SLC7A7: variants seen among roughly 807,000 people sequenced by gnomAD.
The protein encoded by SLC7A7 is solute carrier family 7 member 7.
In SLC7A7, 39 loss-of-function variants were observed where a neutral mutation model predicts 47.9. The ratio of observed to expected loss-of-function variants is 0.81; its 90% confidence interval spans 0.63 to 1.06. The LOEUF (loss-of-function observed/expected upper bound fraction) is 1.06. Among genes scored for constraint, SLC7A7 ranks in the 50% least tolerant of loss-of-function variants. The probability of loss-of-function intolerance (pLI) is 0.00; values close to 1 mark genes in which losing one functional copy is unlikely to be tolerated. For synonymous variants in SLC7A7, 234 were observed against 242.8 expected (o/e 0.96, Z 0.34); for missense variants, 588 against 632.0 (o/e 0.93, Z 0.75).
intron 2 of SLC7A7, among the ~76,000 whole-genome samples, chr14:22,801,569 G>A (rs1429695691): frequency 1.3e-5 from 2 of 151,796 alleles, no homozygotes; most frequent in Non-Finnish European, 2.9e-5. Flanking sequence ...GGATCATGAG[G>A]TCAAGAGATC....
At chr14:22,803,230 A>C (rs956083593) in intron 2 of SLC7A7, among the ~76,000 whole-genome samples, 6 of 152,000 alleles carry the variant, frequency 3.9e-5, no homozygotes, top group African/African-American at 1.4e-4. Context: ...GACCAGCCTG[A>C]CTAACATGGT....
chr14:22,801,164 C>T (rs1017425290), intron 2 of SLC7A7, among the ~76,000 whole-genome samples: 9 of 152,090 alleles, frequency 5.9e-5, no homozygotes, highest in African/African-American at 2.2e-4. Context: ...ACTAGCACAG[C>T]TTATAAAGCT....
In SLC7A7 at chr14:22,774,068, C is replaced by T; in HGVS notation, c.1294G>A (p.Val432Met). ...GTATCACTGTAAAGTGGAACAGCCA[C>T]CAGGAAGATGGTGCAGAGGCAGAAG... ...IVFCLCTIFL[V>M]AVPLYSDTIN... The change falls in exon 9 of 10, where the codon GTG becomes ATG. Residue 432 changes from valine (V) to methionine (M), a missense_variant. Transcript: ENST00000674313. 1 of 1,614,106 alleles carries T rather than the reference C, an allele frequency of 6.2e-7. No homozygotes were observed.
At chr14:22,780,880 C>A (rs2038705895) in intron 2 of SLC7A7, among the ~76,000 whole-genome samples, 1 of 152,134 alleles carries the variant, frequency 6.6e-6, no homozygotes, top group Admixed American at 6.5e-5. Flanking sequence ...ATCAGAATCT[C>A]AAGTCCATTA....
intron 2 of SLC7A7, among the ~76,000 whole-genome samples, chr14:22,808,175 AAAG>A (rs1170371216): frequency 6.6e-6 from 1 of 151,992 alleles, no homozygotes; most frequent in Admixed American, 6.6e-5. Flanking sequence ...AAAAAAAAAA[AAAG>A]AAGTTGCCCC....
chr14:22,786,979 A>G (rs1594955877), intron 2 of SLC7A7, among the ~76,000 whole-genome samples: 1 of 152,310 alleles, frequency 6.6e-6, no homozygotes, highest in Non-Finnish European at 1.5e-5. Context: ...ACAGGACTTC[A>G]TATTTAGTCT....
intron 2 of SLC7A7, among the ~76,000 whole-genome samples, chr14:22,797,203 CG>C (rs1383701564): frequency 6.6e-6 from 1 of 152,104 alleles, no homozygotes; most frequent in Non-Finnish European, 1.5e-5. Context: ...GAATGTGAGA[CG>C]GGGAGTGGGA....
chr14:22,773,320 G>T lies in SLC7A7; in HGVS notation c.*290C>A, dbSNP rs1311345922. 1.9e-6 allele frequency: 1 copy of T among 526,050 alleles called. No individual in the cohort carries two copies. Among genetic ancestry groups the T allele is most frequent in the Non-Finnish European group, 3.6e-6 (1 of 274,816 alleles). The allele number at this position is 526,050 out of a possible 1,614,324, so 32.6% of individuals were successfully genotyped here. A position where few individuals can be genotyped will look rare whatever the true frequency, so the allele number is the denominator to read the frequency against. ...TGGAGCATTGTGGGCCCTTTTAAAAGAAAAGAGGAGTAGGTAGGCACACCC... is the reference window on the plus strand; with the variant it reads ...TGGAGCATTGTGGGCCCTTTTAAAATAAAAGAGGAGTAGGTAGGCACACCC... On this transcript the variant is annotated 3_prime_UTR_variant, in exon 10 of 10. Transcript: ENST00000674313.
intron 2 of SLC7A7, among the ~76,000 whole-genome samples, chr14:22,790,414 T>TG (rs2038904811): frequency 1.3e-5 from 2 of 151,308 alleles, no homozygotes; most frequent in East Asian, 3.9e-4. Flanking sequence ...TTACATTTGT[T>TG]GAAAAATGGA....
At chr14:22,779,772 A>G (rs566374059) in intron 3 of SLC7A7, among the ~76,000 whole-genome samples, 154 bp downstream of exon 3, 5 of 152,112 alleles carry the variant, frequency 3.3e-5, no homozygotes, top group Non-Finnish European at 7.4e-5. Flanking sequence ...TTAATTCTGC[A>G]GGCTGTTTCC....
chr14:22,801,444 C>A (rs556997929), intron 2 of SLC7A7, among the ~76,000 whole-genome samples: 77 of 152,198 alleles, frequency 5.1e-4, no homozygotes, highest in African/African-American at 1.8e-3. Flanking sequence ...TCCTCCTGTG[C>A]CTTGTTCTAC....
intron 2 of SLC7A7, among the ~76,000 whole-genome samples, chr14:22,784,353 C>G (rs761932138): frequency 1.3e-5 from 2 of 152,242 alleles, no homozygotes; most frequent in Non-Finnish European, 2.9e-5. Flanking sequence ...GGTGCAGTGG[C>G]TCACGCCTGT....
intron 2 of SLC7A7, among the ~76,000 whole-genome samples, chr14:22,781,706 C>T (rs1055221232): frequency 1.3e-5 from 2 of 152,160 alleles, no homozygotes; most frequent in Admixed American, 6.6e-5. Context: ...CTCCAGCCTC[C>T]AGCCACTCAA....
At chr14:22,774,251 A>C in intron 8 of SLC7A7, 103 bp downstream of exon 8, 3 of 1,600,536 alleles carry the variant, frequency 1.9e-6, no homozygotes, top group Non-Finnish European at 2.6e-6. Context: ...CTAACGACCA[A>C]GTCCCAGGCA....
At chr14:22,804,617 A>G (rs2039170289) in intron 2 of SLC7A7, among the ~76,000 whole-genome samples, 1 of 152,228 alleles carries the variant, frequency 6.6e-6, no homozygotes, top group Admixed American at 6.5e-5. Flanking sequence ...AAAAAAGCTC[A>G]ACAGCACTGA....
chr14:22,775,299 C>T (rs1275944546), intron 7 of SLC7A7, 145 bp downstream of exon 7: 13 of 769,774 alleles, frequency 1.7e-5, no homozygotes, highest in Middle Eastern at 4.5e-4. Flanking sequence ...AGCATAGTGC[C>T]TTGCCCGTGG....
chr14:22,813,191 C>A lies in SLC7A7; in HGVS notation c.208G>T (p.Gly70Cys). The change falls in exon 2 of 10, where the codon GGT becomes TGT. Residue 70 changes from glycine (G) to cysteine (C), a missense_variant. Physicochemically the swap from Gly to Cys is radical, Grantham distance 159. Coordinates refer to ENST00000674313, the MANE Select transcript of SLC7A7 (RefSeq NM_003982.4). ...ACAGCCCAGATGACCAGAGAGAGAC[C>A]AAAGGAGGCACTGTATATGAGCACA... ...KGVLIYSASF[G>C]LSLVIWAVGG... 1.2e-6 allele frequency: 2 copies of A among 1,614,170 alleles called. No individual in the cohort carries two copies. Among genetic ancestry groups the A allele is most frequent in the Non-Finnish European group, 1.7e-6 (2 of 1,180,028 alleles).
chr14:22,796,484 A>G (rs947554728), intron 2 of SLC7A7, among the ~76,000 whole-genome samples: 5 of 152,206 alleles, frequency 3.3e-5, no homozygotes. Flanking sequence ...TCATCCAGCC[A>G]ACATTTATTG....
chr14:22,795,775 G>A (rs923241579), intron 2 of SLC7A7, among the ~76,000 whole-genome samples: 6 of 152,030 alleles, frequency 3.9e-5, no homozygotes, highest in Admixed American at 2.6e-4. Flanking sequence ...GCCCGGCCTT[G>A]TTTTCTTAAT....
Sources: allele counts gnomAD v4.1 joint callset (sites outside exome capture counted in the v4.1 genomes callset), GRCh38; gene constraint gnomAD v4.1.1; transcripts MANE v1.5; gene names NCBI Gene and HGNC (gene_info 2026-07-23, HGNC 2026-07-21).